SLC35F3: variants seen among roughly 807,000 people sequenced by gnomAD.
SLC35F3 encodes the protein putative thiamine transporter SLC35F3.
Under a neutral mutation model 49.9 loss-of-function variants are expected in SLC35F3, and 25 were observed. The observed-to-expected ratio is 0.50, with a 90% CI of 0.37 to 0.70. The LOEUF is 0.70. Ranked by LOEUF, SLC35F3 falls within the 30% of genes least tolerant of loss-of-function variation. The pLI is 0.00. For synonymous variants in SLC35F3, 275 were observed against 265.4 expected (o/e 1.04, Z -0.35); for missense variants, 525 against 639.8 (o/e 0.82, Z 1.94).
intron 2 of SLC35F3, among the ~76,000 whole-genome samples, chr1:234,163,348 G>A (rs115248092): frequency 0.016 from 2,486 of 152,264 alleles, 59 homozygotes; most frequent in African/African-American, 0.057. Flanking sequence ...AGAAAGAGGA[G>A]GGAAGTCATG....
At chr1:234,314,248 G>A (rs561159) in intron 4 of SLC35F3, among the ~76,000 whole-genome samples, 58,268 of 151,936 alleles carry the variant, frequency 0.38, 11,356 homozygotes, top group African/African-American at 0.45. Context: ...ATGTCCAACC[G>A]TGCTCTCATT....
At chr1:234,133,662 C>A (rs1170095514) in intron 2 of SLC35F3, among the ~76,000 whole-genome samples, 1 of 152,194 alleles carries the variant, frequency 6.6e-6, no homozygotes, top group Non-Finnish European at 1.5e-5. Flanking sequence ...TGAACAGTGA[C>A]ATCAGGCATT....
At position 234,195,051 on chromosome 1, in the gene SLC35F3, G is replaced by A. The variant is rs138162453; in HGVS notation, c.284-36366G>A. On this transcript the variant is annotated intron_variant, in intron 2 of 7. Coordinates refer to ENST00000366618, the MANE Select transcript of SLC35F3 (RefSeq NM_173508.4). ...TTCTTTCTGAGCAGGGCACATAGCT[G>A]TGGCTCATCAAGACTGCACTCAAGC... Among the ~76,000 whole-genome samples the A allele has an allele frequency of 6.0e-3, 921 of 152,340 alleles. 7 individuals carry two copies. The highest frequency in any genetic ancestry group is 0.03 in the South Asian group (147 of 4,822).
chr1:234,092,740 T>C (rs994748269), intron 2 of SLC35F3, among the ~76,000 whole-genome samples: 11 of 152,006 alleles, frequency 7.2e-5, no homozygotes, highest in African/African-American at 2.7e-4. Flanking sequence ...GGTTGGTGCA[T>C]GCCTATAGTC....
At chr1:234,180,739 A>G (rs1161771464) in intron 2 of SLC35F3, among the ~76,000 whole-genome samples, 1 of 152,254 alleles carries the variant, frequency 6.6e-6, no homozygotes, top group East Asian at 1.9e-4. Context: ...AAAGTGTTCC[A>G]GAAATAAAAG....
chr1:234,290,649 C>A (rs375944111), intron 3 of SLC35F3, among the ~76,000 whole-genome samples: 2 of 152,176 alleles, frequency 1.3e-5, no homozygotes, highest in African/African-American at 4.8e-5. Context: ...CCCTGGAGGC[C>A]GCAGCCTCTG....
At chr1:233,955,065 A>C (rs1056820932) in intron 2 of SLC35F3, among the ~76,000 whole-genome samples, 8 of 151,888 alleles carry the variant, frequency 5.3e-5, no homozygotes, top group Non-Finnish European at 5.9e-5. Context: ...GCTACTCTTG[A>C]GCTCCTGAAC....
rs1322350745 is a variant in SLC35F3, at chr1:234,309,239, C to T, written c.747C>T (p.Val249=). 1 of 1,614,190 alleles carries T rather than the reference C, an allele frequency of 6.2e-7. No homozygotes were observed. Among genetic ancestry groups the T allele is most frequent in the African/African-American group, 1.3e-5 (1 of 75,064 alleles). The change falls in exon 4 of 8, where the codon GTC becomes GTT. Residue 249 remains valine (V), a synonymous_variant. Transcript: ENST00000366618. ...TAAAGAAAATAAACACTACGGATGT[C>T]TCCGTGTTGTTCTGCTGCAACAAAG... The part of the protein sequence containing the change: ...HAIKKINTTD[V]SVLFCCNKAF...
chr1:234,299,815 AAAAAAAAAAGAG>A (rs1668664856), intron 3 of SLC35F3, among the ~76,000 whole-genome samples: 1 of 150,194 alleles, frequency 6.7e-6, no homozygotes, highest in African/African-American at 2.4e-5. Flanking sequence ...AAAAAAAAAA[AAAAAAAAAAGAG>A]AAGAAAAAAA....
intron 2 of SLC35F3, among the ~76,000 whole-genome samples, chr1:233,941,968 T>G (rs1261254529): frequency 4.0e-5 from 6 of 149,642 alleles, no homozygotes; most frequent in East Asian, 2.0e-4. Flanking sequence ...TTTTGTTTTT[T>G]TTTTTTTTTT....
intron 3 of SLC35F3, among the ~76,000 whole-genome samples, chr1:234,289,933 A>T (rs971326656): frequency 1.3e-5 from 2 of 152,256 alleles, no homozygotes; most frequent in Non-Finnish European, 2.9e-5. Flanking sequence ...TGCTGCACAA[A>T]CCAAAAGAGC....
intron 2 of SLC35F3, among the ~76,000 whole-genome samples, chr1:234,077,485 A>G (rs1313527140): frequency 6.6e-6 from 1 of 152,174 alleles, no homozygotes; most frequent in Non-Finnish European, 1.5e-5. Flanking sequence ...AAAACTCACT[A>G]TCATGAGAAC....
At chr1:234,164,612 T>C in intron 2 of SLC35F3, among the ~76,000 whole-genome samples, 1 of 151,982 alleles carries the variant, frequency 6.6e-6, no homozygotes, top group East Asian at 1.9e-4. Flanking sequence ...GGTTTGTTGT[T>C]TTTACCTTCT....
At chr1:233,938,512 A>T (rs555301939) in intron 2 of SLC35F3, among the ~76,000 whole-genome samples, 13 of 152,332 alleles carry the variant, frequency 8.5e-5, no homozygotes, top group Middle Eastern at 3.4e-3. Context: ...TTCTAATATC[A>T]AAGGGATGGA....
At chr1:234,183,648 C>T (rs1004115113) in intron 2 of SLC35F3, among the ~76,000 whole-genome samples, 2 of 142,682 alleles carry the variant, frequency 1.4e-5, no homozygotes, top group Admixed American at 7.9e-5. Flanking sequence ...AGCTCTATAT[C>T]CATATGTCAT....
intron 2 of SLC35F3, among the ~76,000 whole-genome samples, chr1:234,021,942 A>T (rs185576914): frequency 2.5e-4 from 38 of 152,332 alleles, no homozygotes; most frequent in South Asian, 1.9e-3. Context: ...CCCACCCATG[A>T]GATCACTCTG....
chr1:234,141,849 T>C (rs1229303871), intron 2 of SLC35F3, among the ~76,000 whole-genome samples: 1 of 152,208 alleles, frequency 6.6e-6, no homozygotes, highest in African/African-American at 2.4e-5. Flanking sequence ...AGATAACACC[T>C]ACTCATCCTA....
intron 2 of SLC35F3, among the ~76,000 whole-genome samples, chr1:234,069,060 T>G (rs1572039789): frequency 1.1e-5 from 1 of 88,944 alleles, no homozygotes; most frequent in Non-Finnish European, 2.1e-5. Context: ...TAATATATAT[T>G]ATAATATATA....
intron 2 of SLC35F3, among the ~76,000 whole-genome samples, chr1:234,154,813 C>A (rs965101994): frequency 1.4e-4 from 21 of 152,142 alleles, no homozygotes. Flanking sequence ...ACCCAAGAGC[C>A]CTCCTTGATC....
Sources: gnomAD v4.1 joint callset for allele counts (sites outside exome capture counted in the v4.1 genomes callset) on GRCh38, gnomAD v4.1.1 for gene constraint, MANE v1.5 for transcripts, NCBI Gene and HGNC (gene_info 2026-07-23, HGNC 2026-07-21) for gene names.